Variants in USP7 observed in about 807,000 individuals in gnomAD.
USP7 encodes ubiquitin specific peptidase 7.
In USP7, 9 loss-of-function variants were observed where a neutral mutation model predicts 162.9. The ratio of observed to expected loss-of-function variants is 0.06; its 90% CI spans 0.03 to 0.10. The LOEUF (loss-of-function observed/expected upper bound fraction) is 0.10. Ranked by LOEUF, USP7 falls within the 10% of genes least tolerant of loss-of-function variation. The probability of loss-of-function intolerance (pLI) is 1.00; values close to 1 mark genes in which losing one functional copy is unlikely to be tolerated. For synonymous variants in USP7, 562 were observed against 475.9 expected (o/e 1.18, Z -2.35); for missense variants, 715 against 1,373.7 (o/e 0.52, Z 7.58).
intron 7 of USP7, among the ~76,000 whole-genome samples, chr16:8,916,757 T>A (rs1417116050): frequency 6.6e-6 from 1 of 152,292 alleles, no homozygotes; most frequent in Non-Finnish European, 1.5e-5. Flanking sequence ...ATGTAATAAA[T>A]CTGAAAGCAG....
At chr16:8,907,944 A>G (rs1249454273) in intron 12 of USP7, among the ~76,000 whole-genome samples, 1 of 152,262 alleles carries the variant, frequency 6.6e-6, no homozygotes, top group Non-Finnish European at 1.5e-5. Context: ...ACAACAAAAT[A>G]TTGGAAAATC....
In USP7 at chr16:8,910,900, T is replaced by C; in HGVS notation, c.1079-73A>G. 4.0e-6 allele frequency: 5 copies of C among 1,246,988 alleles called. No individual in the cohort carries two copies. The South Asian group carries it at 6.1e-5, about 15-fold the overall frequency. The allele number at this position is 1,246,988 out of a possible 1,614,324, so 77.2% of individuals were successfully genotyped here. On this transcript the variant is annotated intron_variant, in intron 10 of 30. Transcript: ENST00000344836. ...ATGTAGCCAACACAGGTGTAAGTTA[T>C]TTAAATCAGCATATTTAGGATTAGC...
At chr16:8,921,015 A>C (rs1897664479) in intron 4 of USP7, 142 bp downstream of exon 4, 7 of 960,532 alleles carry the variant, frequency 7.3e-6, no homozygotes, top group Non-Finnish European at 5.9e-6. Flanking sequence ...AACTGGAGAA[A>C]ACATGTTTTC....
chr16:8,913,364 G>A (rs1244656721), intron 10 of USP7, among the ~76,000 whole-genome samples: 50 of 151,402 alleles, frequency 3.3e-4, no homozygotes, highest in Admixed American at 3.2e-3. Flanking sequence ...TCAAAAAGAG[G>A]AGAGAAGAGG....
At chr16:8,952,080 C>T (rs1172623115) in intron 1 of USP7, among the ~76,000 whole-genome samples, 1 of 151,918 alleles carries the variant, frequency 6.6e-6, no homozygotes, top group Non-Finnish European at 1.5e-5. Context: ...AAGTAGACCC[C>T]CCCGTCTATA....
intron 1 of USP7, among the ~76,000 whole-genome samples, chr16:8,943,449 T>G (rs1899137209): frequency 6.6e-6 from 1 of 152,086 alleles, no homozygotes; most frequent in African/African-American, 2.4e-5. Context: ...CAGATGCAGT[T>G]AGGGCAAGGG....
intron 11 of USP7, among the ~76,000 whole-genome samples, chr16:8,909,889 G>A (rs1376705968): frequency 1.3e-5 from 2 of 152,094 alleles, no homozygotes; most frequent in Non-Finnish European, 2.9e-5. Flanking sequence ...TCGCGCCACT[G>A]CACTCTAGCC....
intron 1 of USP7, among the ~76,000 whole-genome samples, chr16:8,958,829 A>G (rs1899903377): frequency 6.6e-6 from 1 of 152,252 alleles, no homozygotes; most frequent in Non-Finnish European, 1.5e-5. Flanking sequence ...TCAAAATATT[A>G]CACTTTTAAT....
rs1275504101 is a variant in USP7 at position 8,893,793 on chromosome 16, T to C, written c.*205A>G. ...AAATAACTCTCATTGGCATCCAAGC[T>C]TTATAAAAACATCTTCATTTTGCTC... is the stretch of plus-strand genomic sequence containing the variant. On this transcript the variant is annotated 3_prime_UTR_variant, in exon 31 of 31. Transcript: ENST00000344836. 5 of 550,192 alleles carry C rather than the reference T, an allele frequency of 9.1e-6. No individual in the cohort carries two copies. The highest frequency in any genetic ancestry group is 1.6e-5 in the Non-Finnish European group (5 of 305,284). 34.1% of individuals were successfully genotyped at this position (550,192 alleles called of 1,614,324 possible).
chr16:8,943,788 C>CT (rs1899155976), intron 1 of USP7, among the ~76,000 whole-genome samples: 1 of 152,172 alleles, frequency 6.6e-6, no homozygotes, highest in Non-Finnish European at 1.5e-5. Context: ...ACCACAAAAA[C>CT]CCATTCCCCA....
chr16:8,908,509 G>C (rs1260182366), intron 11 of USP7, 59 bp from the exon 12 acceptor site: 20 of 1,438,338 alleles, frequency 1.4e-5, no homozygotes, highest in Non-Finnish European at 1.9e-5. Flanking sequence ...TGGAAGCAAT[G>C]AAAGCAACAG....
chr16:8,942,904 C>T (rs946793531), intron 1 of USP7, among the ~76,000 whole-genome samples: 1 of 152,188 alleles, frequency 6.6e-6, no homozygotes, highest in African/African-American at 2.4e-5. Context: ...ATTAGGCTGG[C>T]TGGAAAGCCA....
intron 17 of USP7, 82 bp downstream of exon 17, chr16:8,902,299 A>C: frequency 6.3e-7 from 1 of 1,579,900 alleles, no homozygotes; most frequent in Non-Finnish European, 8.7e-7. Flanking sequence ...AGTGGACCAA[A>C]AGGGAAACAA....
At position 8,932,636 on chromosome 16, in the gene USP7, A is replaced by G. The variant is rs185787736; in HGVS notation, c.80-2239T>C. Among the ~76,000 whole-genome samples, 153 of 152,304 alleles carry G rather than the reference A, an allele frequency of 1.0e-3. 1 individual carries two copies. The highest frequency in any genetic ancestry group is 3.5e-3 in the African/African-American group (145 of 41,560). On this transcript the variant is annotated intron_variant, in intron 1 of 30. Transcript: ENST00000344836. ...ATTTAAAAAAGAGAAAGAAAAGAAA[A>G]ATCAGGTACTCTGAAATGTCTTTCA...
At chr16:8,895,839 GTTT>G (rs34586799) in intron 26 of USP7, 98 bp from the exon 27 acceptor site, 27,687 of 530,094 alleles carry the variant, frequency 0.052, 29 homozygotes, top group East Asian at 0.062. Flanking sequence ...ACCACGATAT[GTTT>G]TTTTTTTTTT....
chr16:8,930,867 G>A (rs1385128691), intron 1 of USP7, among the ~76,000 whole-genome samples: 1 of 152,008 alleles, frequency 6.6e-6, no homozygotes, highest in African/African-American at 2.4e-5. Context: ...TATTTGGCAG[G>A]CTGAGGAATG....
rs539052899 is a variant in USP7 at position 8,893,526 on chromosome 16, TTC to T, written c.*470_*471del. ...GAGCGCTATTTATTAGGTTGTGAGT[TTC>T]TCTGTTTTGCCTTAACAGATGCACA... On this transcript the variant is annotated 3_prime_UTR_variant, in exon 31 of 31. Transcript: ENST00000344836. 746 of 158,026 alleles carry T rather than the reference TTC, an allele frequency of 4.7e-3. No homozygotes were observed. Among genetic ancestry groups the T allele is most frequent in the Non-Finnish European group, 7.0e-3 (495 of 70,896 alleles). 9.8% of individuals were successfully genotyped at this position (158,026 alleles called of 1,614,324 possible).
At chr16:8,904,304 G>T in intron 15 of USP7, 131 bp downstream of exon 15, 1 of 1,478,606 alleles carries the variant, frequency 6.8e-7, no homozygotes, top group Non-Finnish European at 9.1e-7. Context: ...CTGCACTTGC[G>T]TACAGAGATG....
chr16:8,945,518 T>C (rs1006906030), intron 1 of USP7, among the ~76,000 whole-genome samples: 3 of 152,184 alleles, frequency 2.0e-5, no homozygotes, highest in African/African-American at 7.2e-5. Context: ...ACCTTGAACA[T>C]TTCTGTGCAC....
Sources: allele counts gnomAD v4.1 joint callset (sites outside exome capture counted in the v4.1 genomes callset), GRCh38; gene constraint gnomAD v4.1.1; transcripts MANE v1.5; gene names NCBI Gene and HGNC (gene_info 2026-07-23, HGNC 2026-07-21).